Variants in EXO1 observed in about 807,000 individuals in gnomAD.
EXO1 encodes the protein exonuclease 1.
EXO1 carries 69 observed loss-of-function variants against 84.5 expected under a neutral mutation model. The ratio of observed to expected loss-of-function variants is 0.82; its 90% CI spans 0.67 to 1.00. The LOEUF (loss-of-function observed/expected upper bound fraction) is 1.00, where lower values mean the gene tolerates loss of function less well. Among genes scored for constraint, EXO1 ranks in the 50% least tolerant of loss-of-function variants. The pLI is 0.00. For synonymous variants in EXO1, 373 were observed against 366.1 expected (o/e 1.02, Z -0.21); for missense variants, 1,045 against 1,000.7 (o/e 1.04, Z -0.60).
intron 11 of EXO1, among the ~76,000 whole-genome samples, chr1:241,868,947 A>G (rs945810436): frequency 3.9e-5 from 6 of 152,108 alleles, no homozygotes; most frequent in African/African-American, 1.4e-4. Context: ...TATATTTGCA[A>G]CCTTGCTCAC....
intron 12 of EXO1, among the ~76,000 whole-genome samples, chr1:241,876,393 C>T (rs1433615838): frequency 6.6e-6 from 1 of 151,646 alleles, no homozygotes; most frequent in Non-Finnish European, 1.5e-5. Flanking sequence ...ACCAGCCTGG[C>T]CAACATAGTG....
intron 12 of EXO1, among the ~76,000 whole-genome samples, chr1:241,875,856 T>C (rs574960264): frequency 4.3e-4 from 65 of 152,290 alleles, no homozygotes; most frequent in Middle Eastern, 3.4e-3. Flanking sequence ...CCAGCCTGGG[T>C]GACAAAGCGA....
At chr1:241,859,314 C>G (rs1447760200) in intron 8 of EXO1, among the ~76,000 whole-genome samples, 1 of 152,134 alleles carries the variant, frequency 6.6e-6, no homozygotes, top group East Asian at 1.9e-4. Context: ...TAATAGAAGA[C>G]AGCTGTGTTC....
chr1:241,871,917 T>TG (rs942754944), intron 11 of EXO1, 115 bp from the exon 12 acceptor site: 51 of 729,610 alleles, frequency 7.0e-5, no homozygotes, highest in Middle Eastern at 4.0e-4. Flanking sequence ...CATAGTTTTT[T>TG]TTTTTTTTTT....
intron 8 of EXO1, 39 bp downstream of exon 8, chr1:241,858,757 A>G (rs1661208940): frequency 6.3e-6 from 8 of 1,264,258 alleles, no homozygotes; most frequent in Non-Finnish European, 9.3e-6. Flanking sequence ...CAATTTCTGA[A>G]GCATTTCCTT....
chr1:241,883,155 A>G (rs1328762417), intron 14 of EXO1, among the ~76,000 whole-genome samples: 2 of 152,196 alleles, frequency 1.3e-5, no homozygotes, highest in Non-Finnish European at 1.5e-5. Flanking sequence ...TGTTTCTAGT[A>G]GCATAAAAAC....
chr1:241,856,548 A>T (rs551293961), intron 6 of EXO1, among the ~76,000 whole-genome samples: 17 of 152,218 alleles, frequency 1.1e-4, no homozygotes, highest in African/African-American at 3.9e-4. Flanking sequence ...ACATATACCT[A>T]CGTATATATT....
intron 10 of EXO1, among the ~76,000 whole-genome samples, chr1:241,864,878 C>CTTTTTTTT (rs112285655): frequency 7.1e-6 from 1 of 140,474 alleles, no homozygotes. Context: ...TTCTTTCTTT[C>CTTTTTTTT]TTTTTTTTTT....
chr1:241,862,571 A>G (rs1291759557), intron 10 of EXO1, among the ~76,000 whole-genome samples: 2 of 152,152 alleles, frequency 1.3e-5, no homozygotes, highest in African/African-American at 2.4e-5. Flanking sequence ...TTTATTTCCT[A>G]CTTAGCACTT....
At position 241,850,515 on chromosome 1, in the gene EXO1, T is replaced by C. The variant is rs778040177; in HGVS notation, c.90T>C (p.Asp30=). The change falls in exon 4 of 16, where the codon GAT becomes GAC. Residue 30 remains aspartate (D), a synonymous_variant. Transcript: ENST00000366548. ...ATAAAGGGCAGGTAGTAGCTGTGGA[T>C]ACATATTGCTGGCTTCACAAAGGAG... ...RKYKGQVVAV[D]TYCWLHKGAI... 1.2e-6 allele frequency: 2 copies of C among 1,613,986 alleles called. No homozygotes were observed. The highest frequency in any genetic ancestry group is 8.5e-7 in the Non-Finnish European group (1 of 1,179,872).
In EXO1 at chr1:241,877,230, G is replaced by A. The variant is rs573463309; in HGVS notation, c.1515-1519G>A. 1.4e-4 allele frequency among the ~76,000 whole-genome samples: 21 copies of A among 152,272 alleles called. No homozygotes were observed. In the East Asian group the frequency reaches 3.9e-3, roughly 28 times the overall value. On this transcript the variant is annotated intron_variant, in intron 12 of 15. Coordinates refer to ENST00000366548, the MANE Select transcript of EXO1 (RefSeq NM_130398.4). Reference sequence around the variant, plus strand: ...ACAAGTCAATTAAGTAACAGTATGGGCCAGTTGGGAGGAAGTAGCCATGAA... The same window carrying A: ...ACAAGTCAATTAAGTAACAGTATGGACCAGTTGGGAGGAAGTAGCCATGAA...
In EXO1 at chr1:241,850,656, C is replaced by G; in HGVS notation, c.161+70C>G. 2.3e-6 allele frequency: 3 copies of G among 1,282,866 alleles called. No homozygotes were observed. In the South Asian group the frequency reaches 3.6e-5, roughly 15 times the overall value. 79.5% of individuals were successfully genotyped at this position (1,282,866 alleles called of 1,614,324 possible). Reference sequence around the variant, plus strand: ...ACCTACAGTGCCTTTTTTTCTCCCCCAGAAACGGATTGTTTTCACTCAATG... The same window carrying G: ...ACCTACAGTGCCTTTTTTTCTCCCCGAGAAACGGATTGTTTTCACTCAATG... On this transcript the variant is annotated intron_variant, in intron 4 of 15. Transcript: ENST00000366548.
At chr1:241,850,320 T>G in intron 3 of EXO1, 89 bp from the exon 4 acceptor site, 1 of 934,116 alleles carries the variant, frequency 1.1e-6, no homozygotes, top group African/African-American at 1.7e-5. Context: ...TGCATTGGAC[T>G]CCAAGCTTTC....
At chr1:241,868,332 C>A (rs926251356) in intron 11 of EXO1, among the ~76,000 whole-genome samples, 1 of 146,910 alleles carries the variant, frequency 6.8e-6, no homozygotes, top group African/African-American at 2.6e-5. Flanking sequence ...GCGGAGATCA[C>A]GCAGTGCACT....
chr1:241,875,005 A>T (rs1386356840), intron 12 of EXO1, among the ~76,000 whole-genome samples: 2 of 151,914 alleles, frequency 1.3e-5, no homozygotes, highest in African/African-American at 2.4e-5. Context: ...TTATTTTTTT[A>T]TTTTTATTTT....
At chr1:241,850,670 T>C (rs1660613651) in intron 4 of EXO1, 84 bp downstream of exon 4, 2 of 1,101,592 alleles carry the variant, frequency 1.8e-6, no homozygotes, top group Non-Finnish European at 2.8e-6. Context: ...AACGGATTGT[T>C]TTCACTCAAT....
At chr1:241,863,102 G>A (rs777389245) in intron 10 of EXO1, among the ~76,000 whole-genome samples, 2 of 152,146 alleles carry the variant, frequency 1.3e-5, no homozygotes, top group Non-Finnish European at 2.9e-5. Flanking sequence ...CCACCTAAGA[G>A]AATGCTTCCT....
chr1:241,857,274 GTT>G, intron 6 of EXO1, 69 bp from the exon 7 acceptor site: 1 of 1,501,236 alleles, frequency 6.7e-7, no homozygotes, highest in Non-Finnish European at 9.3e-7. Context: ...AATAAAGTGG[GTT>G]TGAAACAGGA....
At chr1:241,878,089 G>C (rs1662503375) in intron 12 of EXO1, among the ~76,000 whole-genome samples, 1 of 152,160 alleles carries the variant, frequency 6.6e-6, no homozygotes, top group African/African-American at 2.4e-5. Context: ...CCCTCACAGA[G>C]TTTATCTTCT....
Sources: gnomAD v4.1 joint callset for allele counts (sites outside exome capture counted in the v4.1 genomes callset) on GRCh38, gnomAD v4.1.1 for gene constraint, MANE v1.5 for transcripts, NCBI Gene and HGNC (gene_info 2026-07-23, HGNC 2026-07-21) for gene names.